The following BMPR2 variants were observed in gnomAD, a reference collection of about 807,000 sequenced individuals.
BMPR2 encodes bone morphogenetic protein receptor type-2.
In BMPR2, 29 loss-of-function variants were observed where a neutral mutation model predicts 100.8. The ratio of observed to expected loss-of-function variants is 0.29; its 90% CI spans 0.21 to 0.39. The LOEUF (loss-of-function observed/expected upper bound fraction) is 0.39. BMPR2 is among the 10% of genes least tolerant of loss of function. BMPR2 has a pLI of 1.00. For synonymous variants in BMPR2, 382 were observed against 442.3 expected (o/e 0.86, Z 1.71); for missense variants, 1,011 against 1,274.5 (o/e 0.79, Z 3.15).
At chr2:202,442,401 A>C (rs1691766343) in intron 1 of BMPR2, among the ~76,000 whole-genome samples, 1 of 150,626 alleles carries the variant, frequency 6.6e-6, no homozygotes, top group Admixed American at 6.6e-5. Context: ...TGGTTCATCC[A>C]TGTTTTAGCG....
intron 9 of BMPR2, among the ~76,000 whole-genome samples, chr2:202,536,189 T>C (rs1159479034): frequency 6.6e-6 from 1 of 152,146 alleles, no homozygotes; most frequent in Admixed American, 6.5e-5. Context: ...CACAGCTCAC[T>C]GCAGCCTTGA....
chr2:202,393,132 G>A (rs1690584590), intron 1 of BMPR2, among the ~76,000 whole-genome samples: 1 of 152,138 alleles, frequency 6.6e-6, no homozygotes, highest in African/African-American at 2.4e-5. Context: ...TCTGCAGTTG[G>A]TGTATGGAAA....
intron 7 of BMPR2, among the ~76,000 whole-genome samples, chr2:202,521,477 G>A (rs571309110): frequency 4.9e-4 from 74 of 152,170 alleles, no homozygotes; most frequent in African/African-American, 1.5e-3. Flanking sequence ...TGAGCTGGGA[G>A]GATTGTTTGA....
chr2:202,455,384 T>G (rs1238455271), intron 1 of BMPR2, among the ~76,000 whole-genome samples: 1 of 151,986 alleles, frequency 6.6e-6, no homozygotes, highest in Non-Finnish European at 1.5e-5. Flanking sequence ...CCCATCTCTA[T>G]CTAAAAAATA....
intron 3 of BMPR2, among the ~76,000 whole-genome samples, chr2:202,512,846 T>G (rs1431255774): frequency 1.3e-5 from 2 of 152,088 alleles, no homozygotes; most frequent in African/African-American, 4.8e-5. Flanking sequence ...TCAAGTCCTA[T>G]TCAGATTTAA....
chr2:202,433,093 G>A (rs1463401888), intron 1 of BMPR2, among the ~76,000 whole-genome samples: 1 of 150,524 alleles, frequency 6.6e-6, no homozygotes, highest in Non-Finnish European at 1.5e-5. Flanking sequence ...CTGCCAGCTG[G>A]TAAGGTAGCA....
chr2:202,454,131 G>A (rs1425255978), intron 1 of BMPR2, among the ~76,000 whole-genome samples: 6 of 152,154 alleles, frequency 3.9e-5, no homozygotes, highest in East Asian at 3.9e-4. Context: ...GTGCAGTGGC[G>A]TGAACTTGGG....
intron 1 of BMPR2, among the ~76,000 whole-genome samples, chr2:202,413,097 C>T (rs555056095): frequency 1.2e-3 from 185 of 152,294 alleles, no homozygotes; most frequent in African/African-American, 4.2e-3. Flanking sequence ...CTGATGCACA[C>T]GTTCTCAGCT....
At chr2:202,467,737 T>A (rs1692356380) in intron 3 of BMPR2, 48 bp downstream of exon 3, 1 of 1,550,594 alleles carries the variant, frequency 6.4e-7, no homozygotes, top group Non-Finnish European at 8.9e-7. Context: ...CTCCAAAGAT[T>A]TGCAAAATAT....
intron 1 of BMPR2, among the ~76,000 whole-genome samples, chr2:202,407,557 G>C (rs1473832846): frequency 6.6e-6 from 1 of 151,938 alleles, no homozygotes; most frequent in Non-Finnish European, 1.5e-5. Context: ...TGGATCACGA[G>C]ATCAGGAGAT....
chr2:202,502,167 T>A (rs1687408014), intron 3 of BMPR2, among the ~76,000 whole-genome samples: 1 of 152,200 alleles, frequency 6.6e-6, no homozygotes, highest in Non-Finnish European at 1.5e-5. Context: ...CATGCTACAA[T>A]ATGGAAAGAG....
At chr2:202,463,073 A>G (rs370901963) in intron 1 of BMPR2, among the ~76,000 whole-genome samples, 10 of 152,092 alleles carry the variant, frequency 6.6e-5, no homozygotes, top group Non-Finnish European at 1.0e-4. Context: ...AAGAGGTTCT[A>G]TTTTTATGCA....
Position 202,464,999 on chromosome 2 carries a change from C to A in BMPR2, c.247+20C>A. 6.2e-7 allele frequency: 1 copy of A among 1,612,286 alleles called. No individual in the cohort carries two copies. Among genetic ancestry groups the A allele is most frequent in the Non-Finnish European group, 8.5e-7 (1 of 1,178,482 alleles). On this transcript the variant is annotated intron_variant, in intron 2 of 12. Transcript: ENST00000374580. Reference sequence around the variant, plus strand: ...AACAAGGCAAGTGATACTTTCCTTACCTGAAATGACTGTGTTTTATACAAT... The same window carrying A: ...AACAAGGCAAGTGATACTTTCCTTAACTGAAATGACTGTGTTTTATACAAT...
intron 10 of BMPR2, among the ~76,000 whole-genome samples, chr2:202,544,384 TCA>T: frequency 6.6e-6 from 1 of 152,158 alleles, no homozygotes; most frequent in East Asian, 1.9e-4. Flanking sequence ...TATCTTGCCC[TCA>T]CACTCGAGTA....
chr2:202,514,884 A>G lies in BMPR2; in HGVS notation c.530-4A>G, dbSNP rs879654236. 1 of 1,611,836 alleles carries G rather than the reference A, an allele frequency of 6.2e-7. No homozygotes were observed. The highest frequency in any genetic ancestry group is 8.5e-7 in the Non-Finnish European group (1 of 1,177,946). On this transcript the variant is annotated splice_polypyrimidine_tract_variant and splice_region_variant and intron_variant, in intron 4 of 12. Transcript: ENST00000374580. ...TATTAGTAACCTGTTTCCTGTTCTT[A>G]TAGGAGACCGTAAACAAGGTCTTCA...
At chr2:202,500,364 C>A (rs1312487703) in intron 3 of BMPR2, among the ~76,000 whole-genome samples, 1 of 152,206 alleles carries the variant, frequency 6.6e-6, no homozygotes, top group Admixed American at 6.5e-5. Flanking sequence ...GAAAGTCCCA[C>A]ACCGTTATTA....
chr2:202,491,899 C>G (rs1559054470), intron 3 of BMPR2, among the ~76,000 whole-genome samples: 2 of 152,200 alleles, frequency 1.3e-5, no homozygotes, highest in South Asian at 4.2e-4. Context: ...GAATTACACA[C>G]AATGTTCTTT....
At chr2:202,488,642 A>G (rs1376402006) in intron 3 of BMPR2, among the ~76,000 whole-genome samples, 1 of 152,052 alleles carries the variant, frequency 6.6e-6, no homozygotes, top group African/African-American at 2.4e-5. Context: ...TGTGTTCCTC[A>G]GGATGGTCTC....
At chr2:202,423,132 A>G (rs1026127972) in intron 1 of BMPR2, among the ~76,000 whole-genome samples, 1 of 151,818 alleles carries the variant, frequency 6.6e-6, no homozygotes, top group African/African-American at 2.4e-5. Context: ...CAAGTGATCC[A>G]CCCTCCTCGC....
Sources: allele counts gnomAD v4.1 joint callset (sites outside exome capture counted in the v4.1 genomes callset), GRCh38; gene constraint gnomAD v4.1.1; transcripts MANE v1.5; gene names NCBI Gene and HGNC (gene_info 2026-07-23, HGNC 2026-07-21).